Variants in ANTXR2 observed in about 807,000 individuals in gnomAD.
ANTXR2 encodes ANTXR cell adhesion molecule 2.
A neutral mutation model predicts 73.7 loss-of-function variants in ANTXR2; 44 were observed. The ratio of observed to expected loss-of-function variants is 0.60; its 90% CI spans 0.47 to 0.77. ANTXR2 has a LOEUF of 0.77. ANTXR2 is among the 30% of genes least tolerant of loss of function. The pLI, the probability that ANTXR2 is intolerant of heterozygous loss-of-function variation, is 0.00. For synonymous variants in ANTXR2, 217 were observed against 205.9 expected, an observed-to-expected ratio of 1.05 and a Z score of -0.46; for missense variants, 604 against 592.5, an observed-to-expected ratio of 1.02 and a Z score of -0.20.
chr4:80,036,426 G>A (rs1321280166), intron 7 of ANTXR2, among the ~76,000 whole-genome samples: 1 of 152,114 alleles, frequency 6.6e-6, no homozygotes, highest in Non-Finnish European at 1.5e-5. Context: ...ATGCTGTTAT[G>A]TTTTCTGTTC....
Position 80,042,379 on chromosome 4 carries a change from G to C in ANTXR2, c.637-6347C>G, listed in dbSNP as rs1578179796. Among the ~76,000 whole-genome samples, 3 of 152,056 alleles carry C rather than the reference G, an allele frequency of 2.0e-5. No homozygotes were observed. The South Asian group carries it at 6.2e-4, about 32-fold the overall frequency. ...AAAATTTTAGAATTTACCTGAGTTGGGAGCAGAAATGTGAGGCAGAAGTTT... is the reference window on the plus strand; with the variant it reads ...AAAATTTTAGAATTTACCTGAGTTGCGAGCAGAAATGTGAGGCAGAAGTTT... On this transcript the variant is annotated intron_variant, in intron 7 of 16. Transcript: ENST00000403729.
At chr4:80,034,705 G>A (rs1318585496) in intron 8 of ANTXR2, among the ~76,000 whole-genome samples, 4 of 152,038 alleles carry the variant, frequency 2.6e-5, no homozygotes, top group East Asian at 3.9e-4. Context: ...GGCTACTTAC[G>A]AGGCCTAAGT....
chr4:79,960,223 G>C (rs1263798081), intron 16 of ANTXR2, among the ~76,000 whole-genome samples: 1 of 151,996 alleles, frequency 6.6e-6, no homozygotes, highest in Non-Finnish European at 1.5e-5. Flanking sequence ...AATGGCTCTA[G>C]AAAACAAAAG....
chr4:79,993,760 G>GCGCGCACACACACACA (rs71662888), intron 12 of ANTXR2, among the ~76,000 whole-genome samples: 57 of 140,770 alleles, frequency 4.0e-4, no homozygotes, highest in African/African-American at 1.3e-3. Flanking sequence ...ACACACACAC[G>GCGCGCACACACACACA]CACACACACA....
intron 11 of ANTXR2, among the ~76,000 whole-genome samples, chr4:80,009,063 T>C (rs1198015230): frequency 6.6e-6 from 1 of 152,288 alleles, no homozygotes; most frequent in East Asian, 1.9e-4. Flanking sequence ...TTAAAAAAAA[T>C]TATCAAGTAG....
At chr4:80,007,514 T>C (rs527592916) in intron 12 of ANTXR2, among the ~76,000 whole-genome samples, 1 of 152,178 alleles carries the variant, frequency 6.6e-6, no homozygotes, top group East Asian at 1.9e-4. Flanking sequence ...GTTATCTTAA[T>C]GGCAAAAGGG....
intron 5 of ANTXR2, 25 bp downstream of exon 5, chr4:80,055,335 A>C (rs756392624): frequency 1.9e-6 from 3 of 1,588,044 alleles, no homozygotes; most frequent in East Asian, 4.5e-5. Context: ...TGGGGTGTAG[A>C]GAACAGTCTC....
At chr4:80,020,339 T>C (rs939809061) in intron 10 of ANTXR2, among the ~76,000 whole-genome samples, 1 of 152,084 alleles carries the variant, frequency 6.6e-6, no homozygotes, top group African/African-American at 2.4e-5. Flanking sequence ...TCATCTCTGA[T>C]TGAGCCACTG....
At chr4:79,925,255 G>A (rs567514289) in intron 16 of ANTXR2, among the ~76,000 whole-genome samples, 23 of 143,938 alleles carry the variant, frequency 1.6e-4, no homozygotes, top group African/African-American at 5.6e-4. Context: ...ATTAAAAGTC[G>A]TTTTACAGAC....
At chr4:79,980,133 T>C (rs1382889166) in intron 14 of ANTXR2, among the ~76,000 whole-genome samples, 1 of 152,174 alleles carries the variant, frequency 6.6e-6, no homozygotes, top group African/African-American at 2.4e-5. Context: ...GGTACTACAC[T>C]ATCAAATGAC....
At chr4:79,983,847 A>G in intron 14 of ANTXR2, 31 bp downstream of exon 14, 1 of 1,484,790 alleles carries the variant, frequency 6.7e-7, no homozygotes, top group African/African-American at 1.4e-5. Flanking sequence ...ACTCCAGATT[A>G]GCAGCTTCTA....
intron 11 of ANTXR2, among the ~76,000 whole-genome samples, chr4:80,008,996 A>G (rs1019160582): frequency 6.6e-6 from 1 of 152,236 alleles, no homozygotes; most frequent in African/African-American, 2.4e-5. Context: ...AGAATCCTGC[A>G]GACTTTTTGA....
At chr4:80,058,950 C>T (rs1431094143) in intron 3 of ANTXR2, among the ~76,000 whole-genome samples, 2 of 152,068 alleles carry the variant, frequency 1.3e-5, no homozygotes, top group Admixed American at 6.6e-5. Flanking sequence ...GTTTCTTTGT[C>T]ACCCCCAAGT....
chr4:80,029,735 T>C (rs1310395192), intron 10 of ANTXR2, among the ~76,000 whole-genome samples: 1 of 151,804 alleles, frequency 6.6e-6, no homozygotes, highest in Non-Finnish European at 1.5e-5. Context: ...TTACTTAGAC[T>C]AAGTTCACAT....
intron 14 of ANTXR2, among the ~76,000 whole-genome samples, chr4:79,980,759 C>T (rs1022897315): frequency 4.0e-5 from 6 of 151,872 alleles, no homozygotes; most frequent in African/African-American, 1.5e-4. Flanking sequence ...TTCCCATTAC[C>T]ATAGTGTTTA....
chr4:80,036,494 A>T (rs1732966065), intron 7 of ANTXR2, among the ~76,000 whole-genome samples: 1 of 152,094 alleles, frequency 6.6e-6, no homozygotes. Flanking sequence ...GTGGTTCAAA[A>T]TAATATCAAT....
rs1560856323 is a variant in ANTXR2 at position 79,919,900 on chromosome 4, TATATATATATATATATATATAA to T, written c.1429-12455_1429-12434del. Reference sequence around the variant, plus strand: ...ATATATATATATATATATATATATATATATATATATATATATATATAAAAAATGATAGGGCAGACAAGTAATT... The same window carrying T: ...ATATATATATATATATATATATATATAAAATGATAGGGCAGACAAGTAATT... On this transcript the variant is annotated intron_variant, in intron 16 of 16. Coordinates refer to ENST00000403729, the MANE Select transcript of ANTXR2 (RefSeq NM_058172.6). Among the ~76,000 whole-genome samples the T allele has an allele frequency of 4.5e-3, 75 of 16,786 alleles. 4 individuals carry two copies. The highest frequency in any genetic ancestry group is 0.039 in the South Asian group (28 of 720). 11.0% of individuals were successfully genotyped at this position (16,786 alleles called of 152,430 possible).
chr4:79,937,335 G>T (rs919430222), intron 16 of ANTXR2, among the ~76,000 whole-genome samples: 98 of 152,126 alleles, frequency 6.4e-4, no homozygotes, highest in African/African-American at 2.3e-3. Flanking sequence ...AAAAATTTTT[G>T]GAAGAATGTT....
intron 11 of ANTXR2, among the ~76,000 whole-genome samples, chr4:80,015,264 C>CTCG (rs2110064496): frequency 6.6e-6 from 1 of 152,278 alleles, no homozygotes; most frequent in East Asian, 1.9e-4. Context: ...TTGGATGTTT[C>CTCG]CAATGGCAGC....
Sources: allele counts gnomAD v4.1 joint callset (sites outside exome capture counted in the v4.1 genomes callset), GRCh38; gene constraint gnomAD v4.1.1; transcripts MANE v1.5; gene names NCBI Gene and HGNC (gene_info 2026-07-23, HGNC 2026-07-21).